Variants in CACNA2D4 observed in about 807,000 individuals in gnomAD.
The protein encoded by CACNA2D4 is calcium voltage-gated channel auxiliary subunit alpha2delta 4.
A neutral mutation model predicts 163.8 loss-of-function variants in CACNA2D4; 157 were observed. The ratio of observed to expected loss-of-function variants is 0.96; its 90% confidence interval spans 0.84 to 1.09. The LOEUF (loss-of-function observed/expected upper bound fraction) is 1.09, where lower values mean the gene tolerates loss of function less well. Ranked by LOEUF, CACNA2D4 falls within the 50% of genes least tolerant of loss-of-function variation. The pLI is 0.00. For missense variants in CACNA2D4, 1,410 were observed against 1,479.9 expected (o/e 0.95, Z 0.78); for synonymous variants, 598 against 586.9 (o/e 1.02, Z -0.27).
In CACNA2D4 at chr12:1,874,534, G is replaced by C; in HGVS notation, c.1878+70C>G. The C allele has an allele frequency of 9.3e-7, 1 of 1,076,076 alleles. No homozygotes were observed. The highest frequency in any genetic ancestry group is 1.4e-6 in the Non-Finnish European group (1 of 696,494). 66.7% of individuals were successfully genotyped at this position (1,076,076 alleles called of 1,614,324 possible). A position where few individuals can be genotyped will look rare whatever the true frequency, so the allele number is the denominator to read the frequency against. ...TAATTAGGCTAAGTCCAGGTCCCTC[G>C]TCACTACTCCAAACCCAATTAATGA... On this transcript the variant is annotated intron_variant, in intron 18 of 37. Transcript: ENST00000382722. This position sits in a 1 kb window ranked among gnomAD's most constrained non-coding sequence, Gnocchi z 4.4.
rs1026456572 is a variant in CACNA2D4 at position 1,829,019 on chromosome 12, C to G, written c.2551+11720G>C. On this transcript the variant is annotated intron_variant, in intron 26 of 37. Transcript: ENST00000382722. The surrounding 1 kb of genome is among the most constrained non-coding windows in gnomAD (Gnocchi z 4.2). ...CTGATCCAGCACCCAACACGGGCAG[C>G]CTGAATTATTCACCATGTGAGAGAG... Among the ~76,000 whole-genome samples, 1 of 152,210 alleles carries G rather than the reference C, an allele frequency of 6.6e-6. No individual in the cohort carries two copies. The highest frequency in any genetic ancestry group is 2.1e-4 in the South Asian group (1 of 4,830).
chr12:1,835,124 GA>G lies in CACNA2D4; in HGVS notation c.2551+5614del, dbSNP rs535247570. On this transcript the variant is annotated intron_variant, in intron 26 of 37. Transcript: ENST00000382722. ...ACCTCACCTGCATTGAGGGGACGGG[GA>G]GGGAGGGATCTGAGGGATGAAGGTA... 1,021 of 184,928 alleles carry G rather than the reference GA, an allele frequency of 5.5e-3. 5 individuals are homozygous for G. The highest frequency in any genetic ancestry group is 7.0e-3 in the Non-Finnish European group (618 of 88,874). 11.5% of individuals were successfully genotyped at this position (184,928 alleles called of 1,614,324 possible).
chr12:1,830,849 G>C, intron 26 of CACNA2D4: 1 of 1,149,778 alleles, frequency 8.7e-7, no homozygotes, highest in Non-Finnish European at 1.2e-6. Flanking sequence ...CCAAGAGCCT[G>C]TTATGAGCTA....
rs904390826 is a variant in CACNA2D4, at chr12:1,875,102, C to T, written c.1806+149G>A. On this transcript the variant is annotated intron_variant, in intron 17 of 37. Transcript: ENST00000382722. This position sits in a 1 kb window ranked among gnomAD's most constrained non-coding sequence, Gnocchi z 4.0. The stretch of plus-strand genomic sequence containing the variant: ...AAAGAATTGCTCATTTTAGGCATTG[C>T]TTGTGGCTTGAGCTTGGAAAGGCTC... 4 of 631,306 alleles carry T rather than the reference C, an allele frequency of 6.3e-6. No individual in the cohort carries two copies. The highest frequency in any genetic ancestry group is 2.8e-5 in the Admixed American group (1 of 36,128). The allele number at this position is 631,306 out of a possible 1,614,324, so 39.1% of individuals were successfully genotyped here. A position where few individuals can be genotyped will look rare whatever the true frequency, so the allele number is the denominator to read the frequency against.
chr12:1,912,884 A>G (rs1037287045), intron 3 of CACNA2D4, 139 bp downstream of exon 3: 1 of 602,404 alleles, frequency 1.7e-6, no homozygotes, highest in African/African-American at 1.9e-5. Context: ...TGGCTAACGA[A>G]GGTACAAGGC....
intron 18 of CACNA2D4, among the ~76,000 whole-genome samples, chr12:1,871,657 T>C (rs1160080528): frequency 2.6e-5 from 4 of 151,964 alleles, no homozygotes; most frequent in African/African-American, 9.7e-5. Context: ...TGTGTACACG[T>C]GTGTGCTGCT....
chr12:1,801,201 A>G (rs1863312076), intron 30 of CACNA2D4, 83 bp from the exon 31 acceptor site: 1 of 1,152,458 alleles, frequency 8.7e-7, no homozygotes, highest in East Asian at 2.4e-5. Context: ...CTAGCAGAGC[A>G]TCCGTTTACC....
chr12:1,816,291 C>G (rs1863868222), intron 26 of CACNA2D4, among the ~76,000 whole-genome samples: 4 of 152,242 alleles, frequency 2.6e-5, no homozygotes, highest in African/African-American at 9.6e-5. Context: ...GAATGCAAAG[C>G]ACTCGGCTTT....
intron 6 of CACNA2D4, among the ~76,000 whole-genome samples, chr12:1,893,896 T>C (rs528641778): frequency 6.6e-6 from 1 of 151,846 alleles, no homozygotes; most frequent in South Asian, 2.1e-4. Flanking sequence ...TGGAAAAAAG[T>C]AAGAAATACT....
chr12:1,880,813 A>G (rs1183080919), intron 13 of CACNA2D4, among the ~76,000 whole-genome samples: 1 of 152,214 alleles, frequency 6.6e-6, no homozygotes, highest in Non-Finnish European at 1.5e-5. Context: ...GCTTGGACAC[A>G]TCTCTATGGG....
At chr12:1,852,307 C>T (rs1481901576) in intron 23 of CACNA2D4, among the ~76,000 whole-genome samples, 1 of 152,100 alleles carries the variant, frequency 6.6e-6, no homozygotes, top group Non-Finnish European at 1.5e-5. Context: ...GTGAGAGAGC[C>T]TCTAGCCCCA....
intron 6 of CACNA2D4, among the ~76,000 whole-genome samples, chr12:1,895,720 C>T (rs911592882): frequency 6.6e-6 from 1 of 152,120 alleles, no homozygotes; most frequent in African/African-American, 2.4e-5. Flanking sequence ...CAGTCTTGAA[C>T]TCCTGGGCTC....
rs1041669657 is a variant in CACNA2D4, at chr12:1,834,009, G to A, written c.2551+6730C>T. On this transcript the variant is annotated intron_variant, in intron 26 of 37. Transcript: ENST00000382722. This position sits in a 1 kb window ranked among gnomAD's most constrained non-coding sequence, Gnocchi z 7.6. ...TGGCTGCGTGCTTCTCTATAAAATGGGAATAAAGACAATATCCATTTCACA... is the reference window on the plus strand; with the variant it reads ...TGGCTGCGTGCTTCTCTATAAAATGAGAATAAAGACAATATCCATTTCACA... 1.3e-5 allele frequency among the ~76,000 whole-genome samples: 2 copies of A among 152,168 alleles called. No individual in the cohort carries two copies. Among genetic ancestry groups the A allele is most frequent in the Admixed American group, 6.5e-5 (1 of 15,270 alleles).
At chr12:1,838,266 C>T (rs924433021) in intron 26 of CACNA2D4, among the ~76,000 whole-genome samples, 4 of 152,202 alleles carry the variant, frequency 2.6e-5, no homozygotes, top group Non-Finnish European at 5.9e-5. Flanking sequence ...GCGCAGCCCG[C>T]CACTGCCCCC....
intron 37 of CACNA2D4, 118 bp from the exon 38 acceptor site, chr12:1,793,877 G>T: frequency 1.3e-6 from 1 of 748,562 alleles, no homozygotes; most frequent in Non-Finnish European, 2.2e-6. Context: ...TTGGAAAGCC[G>T]GGGAAGCACT....
At position 1,917,972 on chromosome 12, in the gene CACNA2D4, G is replaced by A. The variant is rs1241952735; in HGVS notation, c.227+275C>T. On this transcript the variant is annotated intron_variant, in intron 1 of 37. Transcript: ENST00000382722. This position sits in a 1 kb window ranked among gnomAD's most constrained non-coding sequence, Gnocchi z 4.3. ...CAGAAGCTGCTTGTCAGGCCAGGAA[G>A]ACAGCAGCCCTGATGATCAGTTCTT... 2.6e-6 allele frequency: 1 copy of A among 389,516 alleles called. No individual in the cohort carries two copies. Among genetic ancestry groups the A allele is most frequent in the South Asian group, 3.1e-5 (1 of 32,742 alleles). 24.1% of individuals were successfully genotyped at this position (389,516 alleles called of 1,614,324 possible).
chr12:1,809,227 G>A (rs1238453546), intron 29 of CACNA2D4, among the ~76,000 whole-genome samples: 2 of 152,148 alleles, frequency 1.3e-5, no homozygotes, highest in Admixed American at 6.5e-5. Context: ...GCCGCATCCC[G>A]GTCAGGCCAG....
intron 26 of CACNA2D4, among the ~76,000 whole-genome samples, chr12:1,815,858 G>A (rs1009660167): frequency 6.6e-6 from 1 of 152,182 alleles, no homozygotes; most frequent in South Asian, 2.1e-4. Flanking sequence ...AAGAAATGGG[G>A]ATTTAAGTGA....
intron 23 of CACNA2D4, among the ~76,000 whole-genome samples, chr12:1,847,145 A>G (rs7135189): frequency 0.88 from 134,593 of 152,252 alleles, 59,608 homozygotes; most frequent in East Asian, 0.98. Flanking sequence ...CAGGCACTGC[A>G]TACACCCACC....
Sources: gnomAD v4.1 joint callset for allele counts (sites outside exome capture counted in the v4.1 genomes callset) on GRCh38, gnomAD v4.1.1 for gene constraint, Gnocchi (gnomAD v3.1) non-coding constraint, MANE v1.5 for transcripts, NCBI Gene and HGNC (gene_info 2026-07-23, HGNC 2026-07-21) for gene names.